Variants in VWA5B2 observed in about 807,000 individuals in gnomAD.
VWA5B2 encodes the protein von Willebrand factor A domain containing 5B2.
VWA5B2 carries 93 observed loss-of-function variants against 118.5 expected under a neutral mutation model. That is an observed-to-expected ratio of 0.79 (90% CI 0.66 to 0.93). The LOEUF (loss-of-function observed/expected upper bound fraction) is 0.93. VWA5B2 is among the 40% of genes least tolerant of loss of function. VWA5B2 has a pLI of 0.00. For synonymous variants in VWA5B2, 708 were observed against 716.3 expected (o/e 0.99, Z 0.19); for missense variants, 1,546 against 1,672.8 (o/e 0.92, Z 1.32).
At position 184,233,260 on chromosome 3, in the gene VWA5B2, G is replaced by C; in HGVS notation, c.393G>C (p.Thr131=). 6.5e-7 allele frequency: 1 copy of C among 1,549,090 alleles called. No individual in the cohort carries two copies. Among genetic ancestry groups the C allele is most frequent in the Non-Finnish European group, 8.7e-7 (1 of 1,146,102 alleles). The change falls in exon 4 of 20, where the codon ACG becomes ACC. Residue 131 remains threonine (T), a synonymous_variant. Transcript: ENST00000691901. The surrounding 1 kb of genome is among the most constrained non-coding windows in gnomAD (Gnocchi z 5.2). ...TGIIAAAGTM[T]VTLHSSRELP... The stretch of plus-strand genomic sequence containing the variant: ...TTATCGCCGCGGCTGGCACCATGAC[G>C]GTGACCCTGCACAGCAGCCGGGAGC...
In VWA5B2 at chr3:184,241,457, G is replaced by A. The variant is rs1388579947; in HGVS notation, c.3181-33G>A. On this transcript the variant is annotated intron_variant, in intron 19 of 19. Transcript: ENST00000691901. The surrounding 1 kb of genome is among the most constrained non-coding windows in gnomAD (Gnocchi z 5.1). ...GCCGCCGGGGCCGGGCGCTGTTTCA[G>A]CTCGCTTCTCCCCCCACCTCCTCTC... is the stretch of plus-strand genomic sequence containing the variant. 18 of 1,557,424 alleles carry A rather than the reference G, an allele frequency of 1.2e-5. No homozygotes were observed. Among genetic ancestry groups the A allele is most frequent in the Non-Finnish European group, 1.6e-5 (18 of 1,149,208 alleles).
In VWA5B2 at chr3:184,240,284, C is replaced by G. The variant is rs894310518; in HGVS notation, c.2740+248C>G. 11 of 431,422 alleles carry G rather than the reference C, an allele frequency of 2.5e-5. No homozygotes were observed. The South Asian group carries it at 6.2e-4, about 24-fold the overall frequency. The allele number at this position is 431,422 out of a possible 1,614,324, so 26.7% of individuals were successfully genotyped here. On this transcript the variant is annotated intron_variant, in intron 16 of 19. Coordinates refer to ENST00000691901, the MANE Select transcript of VWA5B2 (RefSeq NM_001390846.1). ...ACTCTTGCAAGGATCAGATCCAGAACTGACAAGCTTCCTAGCAGCCAGCAC... is the reference window on the plus strand; with the variant it reads ...ACTCTTGCAAGGATCAGATCCAGAAGTGACAAGCTTCCTAGCAGCCAGCAC...
rs1327005912 is a variant in VWA5B2, at chr3:184,241,985, T to A, written c.3676T>A (p.Trp1226Arg). The A allele has an allele frequency of 3.9e-6, 6 of 1,550,404 alleles. 1 individual carries two copies. Among genetic ancestry groups the A allele is most frequent in the Admixed American group, 3.9e-5 (2 of 51,006 alleles). The change falls in exon 20 of 20, where the codon TGG becomes AGG. Residue 1226 changes from tryptophan to arginine, a missense_variant. Physicochemically the swap from Trp to Arg is moderately radical, Grantham distance 101 (BLOSUM62 -3). Coordinates refer to ENST00000691901, the MANE Select transcript of VWA5B2 (RefSeq NM_001390846.1). The surrounding 1 kb of genome is among the most constrained non-coding windows in gnomAD (Gnocchi z 5.1). ...ARGLFLLLRH[W>R]DQNLQLHLLC... ...AGGGCTCTTCCTGCTACTGCGCCAC[T>A]GGGACCAAAACCTGCAGCTACACCT...
chr3:184,231,105 C>G (rs79146090), intron 3 of VWA5B2, among the ~76,000 whole-genome samples, 188 bp downstream of exon 3: 1 of 152,300 alleles, frequency 6.6e-6, no homozygotes, highest in African/African-American at 2.4e-5. Flanking sequence ...AGAACATGGC[C>G]CGGAGGTTCA....
Position 184,235,197 on chromosome 3 carries a change from C to A in VWA5B2, c.990C>A (p.Asn330Lys). ...QRRFHKDILL[N>K]PVLALSFCPD... ...GCTTCCACAAGGACATCCTGCTGAA[C>A]CCCGTGCTGGCGCTGAGCTTCTGCC... Residue 330 changes from asparagine to lysine, a missense_variant, in exon 8 of 20, where the codon AAC becomes AAA. Around this residue, in one of 3 missense-constraint regions of VWA5B2, gnomAD observed 775 missense variants for 882.3 expected, o/e 0.88. Coordinates refer to ENST00000691901, the MANE Select transcript of VWA5B2 (RefSeq NM_001390846.1). 6.4e-7 allele frequency: 1 copy of A among 1,551,744 alleles called. No homozygotes were observed. The highest frequency in any genetic ancestry group is 8.7e-7 in the Non-Finnish European group (1 of 1,146,984).
At chr3:184,236,868 T>C (rs1340811650) in intron 11 of VWA5B2, 119 bp downstream of exon 11, 2 of 844,240 alleles carry the variant, frequency 2.4e-6, no homozygotes, top group Non-Finnish European at 3.6e-6. Context: ...CACCAGGCCT[T>C]CTCCCCACTC....
rs1209271345 is a variant in VWA5B2, at chr3:184,237,181, A to T, written c.1534-45A>T. On this transcript the variant is annotated intron_variant, in intron 11 of 19. Transcript: ENST00000691901. The surrounding 1 kb of genome is among the most constrained non-coding windows in gnomAD (Gnocchi z 5.6). ...CCTTCCTGCTCTGTCTGGCCGTATG[A>T]CACCTCTTTCCTTCCCATGTCTTCC... is the stretch of plus-strand genomic sequence containing the variant. 6.5e-7 allele frequency: 1 copy of T among 1,537,298 alleles called. No individual in the cohort carries two copies. Among genetic ancestry groups the T allele is most frequent in the Non-Finnish European group, 8.8e-7 (1 of 1,137,602 alleles).
rs1401395729 is a variant in VWA5B2 at position 184,238,397 on chromosome 3, G to T, written c.1814G>T (p.Gly605Val). The T allele has an allele frequency of 6.4e-7, 1 of 1,550,698 alleles. No individual in the cohort carries two copies. The highest frequency in any genetic ancestry group is 2.0e-5 in the Admixed American group (1 of 50,966). ...SAASPGTEPT[G>V]TSEPLGTGTV... The stretch of plus-strand genomic sequence containing the variant: ...GCCAGCCCTGGCACTGAGCCCACTG[G>T]CACCTCAGAGCCACTGGGAACAGGC... The change falls in exon 13 of 20, where the codon GGC becomes GTC. Residue 605 changes from glycine to valine, a missense_variant. Around this residue, in one of 3 missense-constraint regions of VWA5B2, gnomAD observed 775 missense variants for 882.3 expected, o/e 0.88. Coordinates refer to ENST00000691901, the MANE Select transcript of VWA5B2 (RefSeq NM_001390846.1). The surrounding 1 kb of genome is among the most constrained non-coding windows in gnomAD (Gnocchi z 5.0).
chr3:184,238,262 A>G lies in VWA5B2; in HGVS notation c.1720-41A>G. ...AAAAATGTTTGGAAAGAGGTAGCACATAACTGCAGTTAATTTTTTTCCCAA... is the reference window on the plus strand; with the variant it reads ...AAAAATGTTTGGAAAGAGGTAGCACGTAACTGCAGTTAATTTTTTTCCCAA... On this transcript the variant is annotated intron_variant, in intron 12 of 19. Coordinates refer to ENST00000691901, the MANE Select transcript of VWA5B2 (RefSeq NM_001390846.1). This position sits in a 1 kb window ranked among gnomAD's most constrained non-coding sequence, Gnocchi z 5.0. The G allele has an allele frequency of 1.4e-6, 2 of 1,446,634 alleles. No individual in the cohort carries two copies. The highest frequency in any genetic ancestry group is 1.4e-5 in the African/African-American group (1 of 69,922). 89.6% of individuals were successfully genotyped at this position (1,446,634 alleles called of 1,614,324 possible). A position where few individuals can be genotyped will look rare whatever the true frequency, so the allele number is the denominator to read the frequency against.
chr3:184,237,153 C>T lies in VWA5B2; in HGVS notation c.1534-73C>T. ...TGGGCAGATGGCATCAGGGGAAGGG[C>T]AGCCTTCCTGCTCTGTCTGGCCGTA... On this transcript the variant is annotated intron_variant, in intron 11 of 19. Coordinates refer to ENST00000691901, the MANE Select transcript of VWA5B2 (RefSeq NM_001390846.1). This position sits in a 1 kb window ranked among gnomAD's most constrained non-coding sequence, Gnocchi z 5.6. 4 of 1,479,398 alleles carry T rather than the reference C, an allele frequency of 2.7e-6. No individual in the cohort carries two copies. The highest frequency in any genetic ancestry group is 3.6e-6 in the Non-Finnish European group (4 of 1,098,476). 91.6% of individuals were successfully genotyped at this position (1,479,398 alleles called of 1,614,324 possible).
At chr3:184,235,401 C>T (rs1717870353) in intron 8 of VWA5B2, 93 bp downstream of exon 8, 1 of 1,383,798 alleles carries the variant, frequency 7.2e-7, no homozygotes, top group East Asian at 2.5e-5. Flanking sequence ...CCAGGAGTTA[C>T]CTTGTTGCTT....
In VWA5B2 at chr3:184,238,236, T is replaced by C. The variant is rs957471933; in HGVS notation, c.1720-67T>C. 6 of 1,367,824 alleles carry C rather than the reference T, an allele frequency of 4.4e-6. No homozygotes were observed. In the Admixed American group the frequency reaches 1.7e-4, roughly 39 times the overall value. 84.7% of individuals were successfully genotyped at this position (1,367,824 alleles called of 1,614,324 possible). On this transcript the variant is annotated intron_variant, in intron 12 of 19. Coordinates refer to ENST00000691901, the MANE Select transcript of VWA5B2 (RefSeq NM_001390846.1). The surrounding 1 kb of genome is among the most constrained non-coding windows in gnomAD (Gnocchi z 5.0). ...TTGTTGCCTCTTGCTGTGAGCCATCTAAAAATGTTTGGAAAGAGGTAGCAC... is the reference window on the plus strand; with the variant it reads ...TTGTTGCCTCTTGCTGTGAGCCATCCAAAAATGTTTGGAAAGAGGTAGCAC...
chr3:184,234,809 A>C, intron 7 of VWA5B2, 54 bp downstream of exon 7: 5 of 1,548,596 alleles, frequency 3.2e-6, no homozygotes, highest in Non-Finnish European at 4.4e-6. Flanking sequence ...TTTGTGCACA[A>C]GGAGCAGGCA....
At chr3:184,234,155 A>G (rs1362334893) in intron 5 of VWA5B2, 111 bp from the exon 6 acceptor site, 1 of 1,340,958 alleles carries the variant, frequency 7.5e-7, no homozygotes, top group Non-Finnish European at 1.0e-6. Context: ...CTGACCCCAT[A>G]TAGATCAGAC....
intron 11 of VWA5B2, among the ~76,000 whole-genome samples, 192 bp downstream of exon 11, chr3:184,236,941 A>C (rs1718065233): frequency 6.6e-6 from 1 of 152,094 alleles, no homozygotes; most frequent in African/African-American, 2.4e-5. Flanking sequence ...GTCTCTGACC[A>C]CCCTCTGAAT....
rs774058876 is a variant in VWA5B2, at chr3:184,238,492, T to C, written c.1891+18T>C. The C allele has an allele frequency of 2.6e-6, 4 of 1,538,196 alleles. No homozygotes were observed. Among genetic ancestry groups the C allele is most frequent in the East Asian group, 2.5e-5 (1 of 40,572 alleles). ...GGAGCAGAGTGAGTGCCCAGGTGTATGTGTGTGGCTGTATTGGAGTGGGCG... is the reference window on the plus strand; with the variant it reads ...GGAGCAGAGTGAGTGCCCAGGTGTACGTGTGTGGCTGTATTGGAGTGGGCG... On this transcript the variant is annotated intron_variant, in intron 13 of 19. Transcript: ENST00000691901. This position sits in a 1 kb window ranked among gnomAD's most constrained non-coding sequence, Gnocchi z 5.0.
chr3:184,232,938 T>C, intron 3 of VWA5B2: 1 of 557,278 alleles, frequency 1.8e-6, no homozygotes, highest in Non-Finnish European at 3.2e-6. Flanking sequence ...CAGCCTTCCA[T>C]TAGCAAGGAT....
Position 184,233,481 on chromosome 3 carries a change from G to A in VWA5B2, c.530+84G>A, listed in dbSNP as rs906528106. On this transcript the variant is annotated intron_variant, in intron 4 of 19. Transcript: ENST00000691901. The surrounding 1 kb of genome is among the most constrained non-coding windows in gnomAD (Gnocchi z 5.2). ...TGAGGGGGCACTGGCAGGGTACCCA[G>A]GGATGGGAAGGGTGAGGAAGGGCTG... 24 of 1,506,536 alleles carry A rather than the reference G, an allele frequency of 1.6e-5. No homozygotes were observed. The African/African-American group carries it at 3.1e-4, about 19-fold the overall frequency. 93.3% of individuals were successfully genotyped at this position (1,506,536 alleles called of 1,614,324 possible).
At position 184,230,757 on chromosome 3, in the gene VWA5B2, G is replaced by T; in HGVS notation, c.150G>T (p.Val50=). 8.2e-7 allele frequency: 1 copy of T among 1,225,690 alleles called. No homozygotes were observed. The highest frequency in any genetic ancestry group is 1.0e-6 in the Non-Finnish European group (1 of 984,832). 75.9% of individuals were successfully genotyped at this position (1,225,690 alleles called of 1,614,324 possible). ...CGCCGCCCTCCCCAGGCGTGTTCGTGTACCCGCTGGCCGAGGCCGAGGTGG... is the reference window on the plus strand; with the variant it reads ...CGCCGCCCTCCCCAGGCGTGTTCGTTTACCCGCTGGCCGAGGCCGAGGTGG... ...PQPQPVDGVF[V]YPLAEAEVVS... Residue 50 remains valine (V), a synonymous_variant, in exon 3 of 20, where the codon GTG becomes GTT. Transcript: ENST00000691901.
Sources: gnomAD v4.1 joint callset for allele counts (sites outside exome capture counted in the v4.1 genomes callset) on GRCh38, gnomAD v4.1.1 for gene constraint, gnomAD v4.1.1 regional missense constraint, Gnocchi (gnomAD v3.1) non-coding constraint, MANE v1.5 for transcripts, NCBI Gene and HGNC (gene_info 2026-07-23, HGNC 2026-07-21) for gene names.